The following SUCO variants were observed in gnomAD, a reference collection of about 807,000 sequenced individuals.
SUCO encodes the protein SUN domain-containing ossification factor.
SUCO carries 57 observed loss-of-function variants against 148.1 expected under a neutral mutation model. The observed-to-expected ratio is 0.38, with a 90% confidence interval of 0.31 to 0.48. The LOEUF (loss-of-function observed/expected upper bound fraction) is 0.48, where lower values mean the gene tolerates loss of function less well. SUCO is among the 20% of genes least tolerant of loss of function. The pLI is 0.96. For synonymous variants in SUCO, 470 were observed against 502.7 expected, an observed-to-expected ratio of 0.93 and a Z score of 0.87; for missense variants, 1,331 against 1,468.2, an observed-to-expected ratio of 0.91 and a Z score of 1.53.
chr1:172,605,435 G>A (rs960376354), intron 22 of SUCO, among the ~76,000 whole-genome samples: 2 of 151,708 alleles, frequency 1.3e-5, no homozygotes, highest in South Asian at 4.1e-4. Flanking sequence ...CCCATTGAGT[G>A]GTCTTTGCAC....
At chr1:172,594,272 C>G (rs1656911723) in intron 19 of SUCO, among the ~76,000 whole-genome samples, 1 of 149,970 alleles carries the variant, frequency 6.7e-6, no homozygotes, top group Admixed American at 6.7e-5. Flanking sequence ...TTTTGTGTCT[C>G]TGTCTCCTTC....
intron 19 of SUCO, among the ~76,000 whole-genome samples, chr1:172,591,456 T>G (rs983738425): frequency 4.4e-5 from 5 of 114,498 alleles, no homozygotes; most frequent in Non-Finnish European, 8.3e-5. Context: ...CAGGCCCTGG[T>G]GTGTGATGTT....
intron 3 of SUCO, 164 bp from the exon 4 acceptor site, chr1:172,555,705 A>T (rs892019880): frequency 4.0e-6 from 1 of 247,402 alleles, no homozygotes; most frequent in African/African-American, 2.3e-5. Context: ...TGCATTCCTT[A>T]GGGCGGTAAT....
chr1:172,601,498 C>CAA (rs10633040), intron 20 of SUCO, among the ~76,000 whole-genome samples: 2,121 of 115,092 alleles, frequency 0.018, 61 homozygotes, highest in African/African-American at 0.062. Flanking sequence ...GGCTCTGTCT[C>CAA]AAAAAAAAAA....
Position 172,589,644 on chromosome 1 carries a change from C to T in SUCO, c.2543C>T (p.Thr848Ile), listed in dbSNP as rs770422299. The T allele has an allele frequency of 6.2e-6, 10 of 1,613,910 alleles. No homozygotes were observed. The highest frequency in any genetic ancestry group is 6.8e-6 in the Non-Finnish European group (8 of 1,179,914). Residue 848 changes from threonine (T) to isoleucine (I), a missense_variant, in exon 18 of 24, where the codon ACA becomes ATA. By Grantham distance (89) the Thr-to-Ile change is moderately conservative. Around this residue, in one of 3 missense-constraint regions of SUCO, gnomAD observed 992 missense variants for 1,093.5 expected, o/e 0.91. Coordinates refer to ENST00000263688, the MANE Select transcript of SUCO (RefSeq NM_014283.5). ...DGEAKMNIAD[T>I]AKQTLISVVD... is the part of the protein sequence containing the mutation. The stretch of plus-strand genomic sequence containing the variant: ...GAAGCCAAAATGAATATAGCTGACA[C>T]AGCAAAGCAAACTTTGATTTCTGTT...
intron 10 of SUCO, 138 bp downstream of exon 10, chr1:172,574,136 A>G: frequency 1.6e-6 from 1 of 609,918 alleles, no homozygotes; most frequent in Middle Eastern, 3.8e-4. Flanking sequence ...CAACGATAAT[A>G]CGACTGTATT....
At chr1:172,603,057 T>A in intron 22 of SUCO, 1 of 314,106 alleles carries the variant, frequency 3.2e-6, no homozygotes, top group Non-Finnish European at 5.9e-6. Context: ...TATTTCTTTT[T>A]AGAAAGGGAT....
chr1:172,559,741 G>C (rs1654005473), intron 6 of SUCO, among the ~76,000 whole-genome samples: 1 of 152,182 alleles, frequency 6.6e-6, no homozygotes, highest in South Asian at 2.1e-4. Context: ...AGTTGTTATG[G>C]GAAGGGGTAG....
intron 17 of SUCO, 103 bp downstream of exon 17, chr1:172,586,051 G>T (rs1318728595): frequency 1.5e-6 from 1 of 689,244 alleles, no homozygotes; most frequent in Admixed American, 3.0e-5. Flanking sequence ...ATGATTACCT[G>T]TAGAGAGCTC....
intron 1 of SUCO, among the ~76,000 whole-genome samples, chr1:172,539,110 CTT>C (rs1035011384): frequency 2.0e-5 from 3 of 152,270 alleles, no homozygotes; most frequent in African/African-American, 7.2e-5. Context: ...GTACATCACT[CTT>C]TCACTTTTCT....
At chr1:172,559,721 G>A (rs1654004566) in intron 6 of SUCO, among the ~76,000 whole-genome samples, 1 of 152,180 alleles carries the variant, frequency 6.6e-6, no homozygotes, top group South Asian at 2.1e-4. Flanking sequence ...TAACTTCTGG[G>A]TTGTCAGGCA....
intron 6 of SUCO, among the ~76,000 whole-genome samples, chr1:172,559,334 T>G (rs188042035): frequency 6.6e-6 from 1 of 152,344 alleles, no homozygotes; most frequent in Admixed American, 6.5e-5. Context: ...TTTGTTGCAG[T>G]TTTTGTATTT....
At chr1:172,565,970 C>G (rs1654523748) in intron 6 of SUCO, among the ~76,000 whole-genome samples, 1 of 152,202 alleles carries the variant, frequency 6.6e-6, no homozygotes, top group South Asian at 2.1e-4. Context: ...TGTGACTGGT[C>G]TTCCACATGG....
rs778944725 is a variant in SUCO at position 172,578,406 on chromosome 1, A to T, written c.1432+17A>T. On this transcript the variant is annotated intron_variant, in intron 14 of 23. Coordinates refer to ENST00000263688, the MANE Select transcript of SUCO (RefSeq NM_014283.5). ...AGGACTATGGTAAGTGACATCAAAC[A>T]GATGACTGTTAGGTATATTTTTTTT... 1 of 1,596,962 alleles carries T rather than the reference A, an allele frequency of 6.3e-7. No homozygotes were observed. Among genetic ancestry groups the T allele is most frequent in the African/African-American group, 1.3e-5 (1 of 74,540 alleles).
At chr1:172,532,806 A>G (rs1456914588), upstream of SUCO, 4 of 1,601,656 alleles carry the variant, frequency 2.5e-6, no homozygotes, top group African/African-American at 2.7e-5. Context: ...AGGGCGGTCC[A>G]CTGTAAGGGG....
At chr1:172,568,222 A>C (rs112519071) in intron 6 of SUCO, 40 of 795,540 alleles carry the variant, frequency 5.0e-5, no homozygotes, top group Non-Finnish European at 1.4e-5. Flanking sequence ...GATTTATATG[A>C]TATCTCAGGC....
At chr1:172,548,646 C>CTTGCTTCCAGGCTTGGGA (rs1653046854) in intron 1 of SUCO, among the ~76,000 whole-genome samples, 1 of 151,904 alleles carries the variant, frequency 6.6e-6, no homozygotes, top group Non-Finnish European at 1.5e-5. Flanking sequence ...CTACATATTT[C>CTTGCTTCCAGGCTTGGGA]TTGCTTCCAG....
chr1:172,548,516 A>G (rs1653036109), intron 1 of SUCO, among the ~76,000 whole-genome samples: 1 of 151,898 alleles, frequency 6.6e-6, no homozygotes, highest in South Asian at 2.1e-4. Context: ...ATTTGTCTCA[A>G]TGTATTCAGA....
In SUCO at chr1:172,589,623, C is replaced by G; in HGVS notation, c.2522C>G (p.Ala841Gly). 2 of 1,613,806 alleles carry G rather than the reference C, an allele frequency of 1.2e-6. No homozygotes were observed. The highest frequency in any genetic ancestry group is 1.7e-6 in the Non-Finnish European group (2 of 1,179,868). Reference sequence around the variant, plus strand: ...GTACCCGACAATGAAGATGGGGAAGCCAAAATGAATATAGCTGACACAGCA... The same window carrying G: ...GTACCCGACAATGAAGATGGGGAAGGCAAAATGAATATAGCTGACACAGCA... ...ATVPDNEDGE[A>G]KMNIADTAKQ... Residue 841 changes from alanine (A) to glycine (G), a missense_variant, in exon 18 of 24, where the codon GCC (alanine) becomes GGC (glycine). Ala to Gly is a moderately conservative substitution (Grantham distance 60). This residue lies in a region of SUCO where 992 missense variants were observed against 1,093.5 expected (regional missense o/e 0.91). Coordinates refer to ENST00000263688, the MANE Select transcript of SUCO (RefSeq NM_014283.5).
Sources: gnomAD v4.1 joint callset for allele counts (sites outside exome capture counted in the v4.1 genomes callset) on GRCh38, gnomAD v4.1.1 for gene constraint, gnomAD v4.1.1 regional missense constraint, MANE v1.5 for transcripts, NCBI Gene and HGNC (gene_info 2026-07-23, HGNC 2026-07-21) for gene names.